The following ZBTB43 variants were observed in gnomAD, a reference collection of about 807,000 sequenced individuals.
ZBTB43 encodes zinc finger and BTB domain-containing protein 43.
A neutral mutation model predicts 31.1 loss-of-function variants in ZBTB43; 6 were observed. That is an observed-to-expected ratio of 0.19 (90% CI 0.11 to 0.38). ZBTB43 has a LOEUF of 0.38. Among genes scored for constraint, ZBTB43 ranks in the 10% least tolerant of loss-of-function variants. The probability of loss-of-function intolerance (pLI) is 1.00; values close to 1 mark genes in which losing one functional copy is unlikely to be tolerated. For missense variants in ZBTB43, 379 were observed against 602.1 expected (o/e 0.63, Z 3.88); for synonymous variants, 212 against 221.7 (o/e 0.96, Z 0.39).
intron 2 of ZBTB43, among the ~76,000 whole-genome samples, chr9:126,827,992 G>A (rs2032679147): frequency 6.6e-6 from 1 of 151,808 alleles, no homozygotes; most frequent in Admixed American, 6.6e-5. Flanking sequence ...ACTCCAGCCT[G>A]GGCAACAAGA....
At chr9:126,807,426 T>C (rs2032151250) in intron 1 of ZBTB43, among the ~76,000 whole-genome samples, 1 of 152,180 alleles carries the variant, frequency 6.6e-6, no homozygotes, top group Admixed American at 6.5e-5. Context: ...GTCCATATTT[T>C]TTCTAGAGTG....
At chr9:126,807,616 T>C (rs2032154962) in intron 1 of ZBTB43, among the ~76,000 whole-genome samples, 1 of 152,172 alleles carries the variant, frequency 6.6e-6, no homozygotes, top group Non-Finnish European at 1.5e-5. Flanking sequence ...ATGAACTTTT[T>C]TTTTCTTGTT....
At chr9:126,831,080 T>C (rs2032752520) in intron 2 of ZBTB43, among the ~76,000 whole-genome samples, 1 of 152,132 alleles carries the variant, frequency 6.6e-6, no homozygotes, top group African/African-American at 2.4e-5. Context: ...GCTGGAGAAA[T>C]CTGCATTGCT....
intron 2 of ZBTB43, among the ~76,000 whole-genome samples, chr9:126,814,301 T>A (rs2032316845): frequency 6.6e-6 from 1 of 151,666 alleles, no homozygotes; most frequent in Non-Finnish European, 1.5e-5. Context: ...GTAAAATTTT[T>A]ACAGATGAAA....
intron 2 of ZBTB43, among the ~76,000 whole-genome samples, chr9:126,816,353 A>G (rs986621948): frequency 2.0e-5 from 3 of 152,072 alleles, no homozygotes; most frequent in South Asian, 2.1e-4. Flanking sequence ...GTTTCCTGAT[A>G]CCCTATCATT....
At chr9:126,818,564 G>T (rs1383887926) in intron 2 of ZBTB43, among the ~76,000 whole-genome samples, 1 of 152,172 alleles carries the variant, frequency 6.6e-6, no homozygotes, top group Non-Finnish European at 1.5e-5. Flanking sequence ...TTTTTGTCAT[G>T]AAAGGGTGCT....
chr9:126,826,999 A>G (rs571811730), intron 2 of ZBTB43, among the ~76,000 whole-genome samples: 1 of 152,228 alleles, frequency 6.6e-6, no homozygotes, highest in African/African-American at 2.4e-5. Flanking sequence ...TGAGAACTGG[A>G]CATTTGGAGT....
At chr9:126,817,173 G>T (rs981491210) in intron 2 of ZBTB43, among the ~76,000 whole-genome samples, 1 of 136,230 alleles carries the variant, frequency 7.3e-6, no homozygotes, top group East Asian at 2.3e-4. Flanking sequence ...TGCAGTGGTG[G>T]CAGTCACAGC....
intron 2 of ZBTB43, among the ~76,000 whole-genome samples, chr9:126,815,656 CTCTT>C (rs1325413574): frequency 5.2e-5 from 4 of 77,516 alleles, no homozygotes; most frequent in Admixed American, 4.2e-4. Context: ...CTCTCTCTCT[CTCTT>C]TTTTTTTTTT....
chr9:126,827,351 C>T (rs1012719304), intron 2 of ZBTB43, among the ~76,000 whole-genome samples: 4 of 152,232 alleles, frequency 2.6e-5, no homozygotes, highest in African/African-American at 4.8e-5. Context: ...AACGCACAAG[C>T]GCACATTTTT....
rs376954461 is a variant in ZBTB43 at position 126,808,718 on chromosome 9, A to C, written c.-146-75A>C. On this transcript the variant is annotated intron_variant, in intron 1 of 2. Coordinates refer to ENST00000373464, the MANE Select transcript of ZBTB43 (RefSeq NM_014007.4). The stretch of plus-strand genomic sequence containing the variant: ...ACTTTTCTTTCTGCCGCTAATGTAC[A>C]TCTCTAGTGTTTATTAGCAAATACA... 6.7e-4 allele frequency: 102 copies of C among 152,334 alleles called. 1 individual carries two copies. Among genetic ancestry groups the C allele is most frequent in the Middle Eastern group, 6.8e-3 (2 of 294 alleles). 9.4% of individuals were successfully genotyped at this position (152,334 alleles called of 1,614,324 possible).
At chr9:126,815,189 TA>T in intron 2 of ZBTB43, among the ~76,000 whole-genome samples, 1 of 148,820 alleles carries the variant, frequency 6.7e-6, no homozygotes, top group East Asian at 1.9e-4. Flanking sequence ...GTATTGTTTA[TA>T]TATATAGTTT....
At chr9:126,827,590 G>T (rs1220242171) in intron 2 of ZBTB43, among the ~76,000 whole-genome samples, 1 of 152,224 alleles carries the variant, frequency 6.6e-6, no homozygotes, top group East Asian at 1.9e-4. Flanking sequence ...CATTTTTTCA[G>T]CTTCCTGATT....
At chr9:126,805,221 C>T (rs1295009418) in intron 1 of ZBTB43, 89 bp downstream of exon 1, 1 of 152,808 alleles carries the variant, frequency 6.5e-6, no homozygotes, top group Non-Finnish European at 1.5e-5. Context: ...CCCCGACGCT[C>T]GCGCCGCTGG....
At chr9:126,815,392 A>G (rs562683249) in intron 2 of ZBTB43, among the ~76,000 whole-genome samples, 212 of 149,152 alleles carry the variant, frequency 1.4e-3, no homozygotes, top group Non-Finnish European at 2.4e-3. Flanking sequence ...TGTGTCTGAT[A>G]GCTTATCACA....
chr9:126,814,822 AT>A (rs1001301982), intron 2 of ZBTB43, among the ~76,000 whole-genome samples: 6 of 151,990 alleles, frequency 3.9e-5, no homozygotes, highest in African/African-American at 1.4e-4. Flanking sequence ...AAGAAAAAGT[AT>A]TTTGCCTTCA....
At chr9:126,831,958 CAA>C (rs34040959) in intron 2 of ZBTB43, 4,293 of 111,732 alleles carry the variant, frequency 0.038, 233 homozygotes, top group African/African-American at 0.12. Flanking sequence ...AACTCTATCT[CAA>C]AAAAAAAAAA....
chr9:126,804,483 T>TTTG (rs143192446), upstream of ZBTB43, among the ~76,000 whole-genome samples: 1,895 of 151,914 alleles, frequency 0.012, 44 homozygotes, highest in African/African-American at 0.04. Context: ...TTTTGTTTGT[T>TTTG]TTGTTGTTGT....
rs1370723148 is a variant in ZBTB43 at position 126,834,424 on chromosome 9, T to C, written c.*511T>C. 6.0e-6 allele frequency: 1 copy of C among 167,552 alleles called. No individual in the cohort carries two copies. The highest frequency in any genetic ancestry group is 1.5e-5 in the Non-Finnish European group (1 of 68,520). The allele number at this position is 167,552 out of a possible 1,614,324, so 10.4% of individuals were successfully genotyped here. On this transcript the variant is annotated 3_prime_UTR_variant, in exon 3 of 3. Transcript: ENST00000373464. Reference sequence around the variant, plus strand: ...AGGATGAGAAATTGGTTAACAGAGCTCTGTTGTCTGGTTTTAGTCTTTCTA... The same window carrying C: ...AGGATGAGAAATTGGTTAACAGAGCCCTGTTGTCTGGTTTTAGTCTTTCTA...
Sources: gnomAD v4.1 joint callset for allele counts (sites outside exome capture counted in the v4.1 genomes callset) on GRCh38, gnomAD v4.1.1 for gene constraint, MANE v1.5 for transcripts, NCBI Gene and HGNC (gene_info 2026-07-23, HGNC 2026-07-21) for gene names.